Variants in PGPEP1 observed in about 807,000 individuals in gnomAD.
The protein encoded by PGPEP1 is pyroglutamyl-peptidase 1.
In PGPEP1, 15 loss-of-function variants were observed where a neutral mutation model predicts 24.1. The observed-to-expected ratio is 0.62, with a 90% CI of 0.42 to 0.96. The LOEUF (loss-of-function observed/expected upper bound fraction) is 0.96. Among genes scored for constraint, PGPEP1 ranks in the 40% least tolerant of loss-of-function variants. PGPEP1 has a pLI of 0.00. For missense variants in PGPEP1, 242 were observed against 273.4 expected (o/e 0.89, Z 0.81); for synonymous variants, 122 against 116.4 (o/e 1.05, Z -0.31).
At chr19:18,353,469 T>C (rs1466294160) in intron 2 of PGPEP1, among the ~76,000 whole-genome samples, 1 of 151,780 alleles carries the variant, frequency 6.6e-6, no homozygotes, top group Non-Finnish European at 1.5e-5. Flanking sequence ...CTTGGCCTCC[T>C]AAAGCACTGG....
At chr19:18,348,461 C>T (rs911168883) in intron 2 of PGPEP1, among the ~76,000 whole-genome samples, 3 of 151,912 alleles carry the variant, frequency 2.0e-5, no homozygotes, top group Admixed American at 6.6e-5. Flanking sequence ...GCCCGAGCCC[C>T]GTCCTTTCAC....
At chr19:18,361,898 C>T (rs1436795600) in intron 4 of PGPEP1, 4 of 984,354 alleles carry the variant, frequency 4.1e-6, no homozygotes, top group Non-Finnish European at 2.4e-6. Flanking sequence ...ATGCATCTGG[C>T]GAGTTCTCCA....
chr19:18,355,354 G>A (rs573720718), intron 2 of PGPEP1, among the ~76,000 whole-genome samples: 3 of 150,748 alleles, frequency 2.0e-5, no homozygotes, highest in Non-Finnish European at 4.4e-5. Flanking sequence ...TCTGCCTCCC[G>A]GGTTCAAGTG....
chr19:18,365,064 G>A lies in PGPEP1; in HGVS notation c.*1481G>A, dbSNP rs750580683. ...TTATGTAGATTGCTTTTGGACACTC[G>A]CCCAGGAGTCAGGAGTTGATTTTTA... On this transcript the variant is annotated 3_prime_UTR_variant, in exon 5 of 5. Coordinates refer to ENST00000269919, the MANE Select transcript of PGPEP1 (RefSeq NM_017712.4). The A allele has an allele frequency of 3.3e-5, 5 of 152,042 alleles. No individual in the cohort carries two copies. Among genetic ancestry groups the A allele is most frequent in the Non-Finnish European group, 5.9e-5 (4 of 68,006 alleles). The allele number at this position is 152,042 out of a possible 1,614,324, so 9.4% of individuals were successfully genotyped here.
chr19:18,359,596 C>T (rs1428576989), intron 4 of PGPEP1, among the ~76,000 whole-genome samples: 1 of 151,746 alleles, frequency 6.6e-6, no homozygotes, highest in Non-Finnish European at 1.5e-5. Flanking sequence ...CAACCTCCGC[C>T]TCTGACGTTC....
intron 2 of PGPEP1, among the ~76,000 whole-genome samples, chr19:18,347,562 ATCTG>A (rs1235643402): frequency 1.4e-5 from 2 of 146,066 alleles, no homozygotes; most frequent in African/African-American, 2.5e-5. Context: ...TTCTCTCTGA[ATCTG>A]TCTCTTTCCC....
chr19:18,342,215 C>G (rs2144522858), intron 1 of PGPEP1, among the ~76,000 whole-genome samples: 1 of 152,282 alleles, frequency 6.6e-6, no homozygotes, highest in African/African-American at 2.4e-5. Flanking sequence ...AGCCCCAGAT[C>G]TGGATTTGAA....
chr19:18,352,523 C>T (rs967435414), intron 2 of PGPEP1, among the ~76,000 whole-genome samples: 49 of 151,072 alleles, frequency 3.2e-4, no homozygotes, highest in African/African-American at 1.0e-3. Flanking sequence ...GGTTTGTTGA[C>T]GGAACGGATG....
At chr19:18,352,289 T>TAAAAAAAAAAAAAAAAAAAAAAAA (rs1971055239) in intron 2 of PGPEP1, among the ~76,000 whole-genome samples, 1 of 63,008 alleles carries the variant, frequency 1.6e-5, no homozygotes, top group Non-Finnish European at 3.5e-5. Flanking sequence ...AAAAAAAAAT[T>TAAAAAAAAAAAAAAAAAAAAAAAA]AGTTGGGTGT....
intron 2 of PGPEP1, among the ~76,000 whole-genome samples, chr19:18,345,725 CAAAAAAA>C (rs1263995077): frequency 3.3e-5 from 3 of 89,778 alleles, no homozygotes; most frequent in South Asian, 3.9e-4. Context: ...GACCCTATCT[CAAAAAAA>C]AAAAAAAAAA....
intron 2 of PGPEP1, among the ~76,000 whole-genome samples, chr19:18,347,586 C>A (rs1970888375): frequency 6.6e-6 from 1 of 151,136 alleles, no homozygotes; most frequent in African/African-American, 2.4e-5. Flanking sequence ...CCTTCTCTCT[C>A]TCCCCATTTC....
At chr19:18,349,920 G>A (rs1054443729) in intron 2 of PGPEP1, among the ~76,000 whole-genome samples, 5 of 152,070 alleles carry the variant, frequency 3.3e-5, no homozygotes, top group African/African-American at 1.2e-4. Flanking sequence ...TCGAGATGGG[G>A]TCTCACTGTG....
At chr19:18,357,232 G>A (rs368688892) in intron 3 of PGPEP1, 151 bp from the exon 4 acceptor site, 1 of 610,970 alleles carries the variant, frequency 1.6e-6, no homozygotes, top group Non-Finnish European at 2.9e-6. Flanking sequence ...TTCCAAGAGT[G>A]ACTGCAGGGT....
chr19:18,346,790 A>G (rs1206313683), intron 2 of PGPEP1, among the ~76,000 whole-genome samples: 2 of 151,440 alleles, frequency 1.3e-5, no homozygotes, highest in South Asian at 4.2e-4. Context: ...ACAGGCATGT[A>G]CCACCACGCC....
intron 2 of PGPEP1, among the ~76,000 whole-genome samples, chr19:18,351,496 T>C (rs372580221): frequency 6.6e-6 from 1 of 151,206 alleles, no homozygotes; most frequent in East Asian, 2.0e-4. Flanking sequence ...TAGTGGTGCA[T>C]GCCTGTAATC....
At chr19:18,356,441 C>T (rs1165768107) in intron 3 of PGPEP1, among the ~76,000 whole-genome samples, 4 of 148,204 alleles carry the variant, frequency 2.7e-5, no homozygotes, top group South Asian at 2.1e-4. Context: ...TCAAAAAAAA[C>T]AAAAAAACCC....
chr19:18,363,890 A>G lies in PGPEP1; in HGVS notation c.*307A>G, dbSNP rs1971428597. 1 of 289,004 alleles carries G rather than the reference A, an allele frequency of 3.5e-6. No homozygotes were observed. The highest frequency in any genetic ancestry group is 6.8e-5 in the South Asian group (1 of 14,764). 17.9% of individuals were successfully genotyped at this position (289,004 alleles called of 1,614,324 possible). A position where few individuals can be genotyped will look rare whatever the true frequency, so the allele number is the denominator to read the frequency against. On this transcript the variant is annotated 3_prime_UTR_variant, in exon 5 of 5. Coordinates refer to ENST00000269919, the MANE Select transcript of PGPEP1 (RefSeq NM_017712.4). ...AGAATCTTGGTCTGGTGAATCCATG[A>G]GCTGCGATACCACGGCTGGGGCCAT...
intron 2 of PGPEP1, among the ~76,000 whole-genome samples, chr19:18,344,619 G>A (rs1295338199): frequency 7.1e-6 from 1 of 140,334 alleles, no homozygotes; most frequent in African/African-American, 2.7e-5. Flanking sequence ...TGCCCACTTC[G>A]TGAACGGGAT....
At chr19:18,361,956 C>T (rs1971357673) in intron 4 of PGPEP1, 1 of 882,012 alleles carries the variant, frequency 1.1e-6, no homozygotes, top group Non-Finnish European at 1.4e-6. Flanking sequence ...TCATAGGATT[C>T]CATGGTGTGG....
Sources: gnomAD v4.1 joint callset for allele counts (sites outside exome capture counted in the v4.1 genomes callset) on GRCh38, gnomAD v4.1.1 for gene constraint, MANE v1.5 for transcripts, NCBI Gene and HGNC (gene_info 2026-07-23, HGNC 2026-07-21) for gene names.